The following PCDH9 variants were observed in gnomAD, a reference collection of about 807,000 sequenced individuals.
PCDH9 encodes the protein protocadherin 9, also known as protocadherin-9.
PCDH9 carries 24 observed loss-of-function variants against 70.6 expected under a neutral mutation model. The observed-to-expected ratio is 0.34, with a 90% CI of 0.25 to 0.48. The LOEUF (loss-of-function observed/expected upper bound fraction) is 0.48, where lower values mean the gene tolerates loss of function less well. Ranked by LOEUF, PCDH9 falls within the 20% of genes least tolerant of loss-of-function variation. The pLI is 0.99. For missense variants in PCDH9, 1,281 were observed against 1,503.6 expected, an observed-to-expected ratio of 0.85 and a Z score of 2.45; for synonymous variants, 562 against 558.5, an observed-to-expected ratio of 1.01 and a Z score of -0.09.
At chr13:66,918,792 T>G (rs2082596418) in intron 2 of PCDH9, among the ~76,000 whole-genome samples, 1 of 151,324 alleles carries the variant, frequency 6.6e-6, no homozygotes, top group South Asian at 2.1e-4. Context: ...GATGATATTT[T>G]TTGATCATGG....
At chr13:66,954,674 T>G (rs535576017) in intron 2 of PCDH9, among the ~76,000 whole-genome samples, 1 of 152,194 alleles carries the variant, frequency 6.6e-6, no homozygotes, top group Non-Finnish European at 1.5e-5. Context: ...GGGCACAAAG[T>G]GCAATACCAA....
chr13:66,500,378 G>A (rs772193066), intron 4 of PCDH9, among the ~76,000 whole-genome samples: 29 of 152,148 alleles, frequency 1.9e-4, no homozygotes, highest in Middle Eastern at 3.4e-3. Flanking sequence ...ATGAAATATC[G>A]TCATTTTTGA....
chr13:66,355,760 C>T (rs1039431573), intron 4 of PCDH9, among the ~76,000 whole-genome samples: 1 of 152,124 alleles, frequency 6.6e-6, no homozygotes, highest in Admixed American at 6.6e-5. Context: ...TCACAGGGGC[C>T]TAACTTTGTA....
At chr13:66,332,507 A>G (rs1955961819) in intron 4 of PCDH9, among the ~76,000 whole-genome samples, 1 of 152,150 alleles carries the variant, frequency 6.6e-6, no homozygotes, top group South Asian at 2.1e-4. Context: ...CTGATTCTAC[A>G]GACTGCAGTG....
At chr13:66,963,235 T>C (rs1360034467) in intron 2 of PCDH9, among the ~76,000 whole-genome samples, 1 of 152,200 alleles carries the variant, frequency 6.6e-6, no homozygotes, top group Admixed American at 6.5e-5. Context: ...GGGCCCCTAA[T>C]AGGCCAGAGA....
chr13:67,070,679 G>A (rs369496111), intron 2 of PCDH9, among the ~76,000 whole-genome samples: 1 of 152,174 alleles, frequency 6.6e-6, no homozygotes, highest in African/African-American at 2.4e-5. Flanking sequence ...CAGTCTTAAT[G>A]TATATTTCTC....
intron 4 of PCDH9, among the ~76,000 whole-genome samples, chr13:66,486,670 A>C (rs1958950036): frequency 1.3e-5 from 2 of 151,160 alleles, no homozygotes; most frequent in South Asian, 4.2e-4. Context: ...TTTGAGTTTC[A>C]CTATTTATTT....
intron 2 of PCDH9, among the ~76,000 whole-genome samples, chr13:66,935,864 A>C (rs1222220265): frequency 6.6e-6 from 1 of 152,066 alleles, no homozygotes; most frequent in African/African-American, 2.4e-5. Flanking sequence ...GCGGATCACT[A>C]GGTCAAGAGA....
At chr13:66,331,905 GGA>G (rs1481809556) in intron 4 of PCDH9, among the ~76,000 whole-genome samples, 1 of 152,162 alleles carries the variant, frequency 6.6e-6, no homozygotes, top group Admixed American at 6.5e-5. Context: ...AAATGAAAAT[GGA>G]GAGAGGGTAC....
chr13:66,596,690 A>G (rs1255254902), intron 4 of PCDH9, among the ~76,000 whole-genome samples: 1 of 151,662 alleles, frequency 6.6e-6, no homozygotes, highest in Admixed American at 6.6e-5. Flanking sequence ...TCAAATGATC[A>G]AAAATTTCAG....
chr13:66,626,887 C>G (rs1009775716), intron 4 of PCDH9, among the ~76,000 whole-genome samples: 1 of 150,978 alleles, frequency 6.6e-6, no homozygotes, highest in African/African-American at 2.4e-5. Flanking sequence ...TACTAATAAC[C>G]CAGAAGTATA....
rs565418604 is a variant in PCDH9 at position 66,707,657 on chromosome 13, G to A, written c.3139-76246C>T. 3.3e-5 allele frequency among the ~76,000 whole-genome samples: 5 copies of A among 152,274 alleles called. No individual in the cohort carries two copies. The East Asian group carries it at 9.7e-4, about 29-fold the overall frequency. On this transcript the variant is annotated intron_variant, in intron 3 of 4. Coordinates refer to ENST00000377865, the MANE Select transcript of PCDH9 (RefSeq NM_203487.3). ...AGATTGTAAAGATGACAAATTAGCA[G>A]AAATTGGAAAAGAAACATGCTCCTC...
chr13:66,974,909 TG>T (rs2083588359), intron 2 of PCDH9, among the ~76,000 whole-genome samples: 2 of 152,060 alleles, frequency 1.3e-5, no homozygotes, highest in Non-Finnish European at 2.9e-5. Context: ...TGACATAACC[TG>T]GTTTAAATAA....
chr13:66,779,063 A>C (rs1015602996), intron 3 of PCDH9, among the ~76,000 whole-genome samples: 1 of 152,076 alleles, frequency 6.6e-6, no homozygotes, highest in Non-Finnish European at 1.5e-5. Context: ...TTATTCTATC[A>C]ATATTTCATA....
intron 4 of PCDH9, among the ~76,000 whole-genome samples, chr13:66,306,591 A>G (rs923494184): frequency 4.0e-5 from 6 of 151,546 alleles, no homozygotes; most frequent in African/African-American, 1.2e-4. Flanking sequence ...AAGGGGCTGA[A>G]ATGCACTATT....
chr13:66,743,898 T>A (rs1192542641), intron 3 of PCDH9, among the ~76,000 whole-genome samples: 2 of 152,142 alleles, frequency 1.3e-5, no homozygotes, highest in Non-Finnish European at 2.9e-5. Context: ...GTATTAGACG[T>A]AATGCCTGCT....
At chr13:66,743,614 T>C (rs2139207420) in intron 3 of PCDH9, among the ~76,000 whole-genome samples, 1 of 152,246 alleles carries the variant, frequency 6.6e-6, no homozygotes, top group Non-Finnish European at 1.5e-5. Flanking sequence ...CAATGTATTG[T>C]ATGCTCAAAA....
At chr13:67,076,746 A>C (rs1473129115) in intron 2 of PCDH9, among the ~76,000 whole-genome samples, 3 of 152,180 alleles carry the variant, frequency 2.0e-5, no homozygotes, top group Non-Finnish European at 4.4e-5. Flanking sequence ...ATTTTTCTGA[A>C]GACTACTGGA....
chr13:66,643,856 G>T (rs927265594), intron 3 of PCDH9, among the ~76,000 whole-genome samples: 1 of 151,960 alleles, frequency 6.6e-6, no homozygotes, highest in Non-Finnish European at 1.5e-5. Context: ...GATATACACA[G>T]AATTGCCTTC....
Sources: allele counts gnomAD v4.1 joint callset (sites outside exome capture counted in the v4.1 genomes callset), GRCh38; gene constraint gnomAD v4.1.1; transcripts MANE v1.5; gene names NCBI Gene and HGNC (gene_info 2026-07-23, HGNC 2026-07-21).